Variants in USP12 observed in about 807,000 individuals in gnomAD.
USP12 encodes ubiquitin carboxyl-terminal hydrolase 12.
USP12 carries 19 observed loss-of-function variants against 45.5 expected under a neutral mutation model. The ratio of observed to expected loss-of-function variants is 0.42; its 90% CI spans 0.29 to 0.61. The LOEUF is 0.61. Among genes scored for constraint, USP12 ranks in the 20% least tolerant of loss-of-function variants. The pLI, the probability that USP12 is intolerant of heterozygous loss-of-function variation, is 0.22. For synonymous variants in USP12, 149 were observed against 148.8 expected (o/e 1.00, Z -0.01); for missense variants, 242 against 447.7 (o/e 0.54, Z 4.15).
At position 27,166,966 on chromosome 13, in the gene USP12, A is replaced by C. The variant is rs527356042; in HGVS notation, c.48+4626T>G. Among the ~76,000 whole-genome samples, 61 of 152,332 alleles carry C rather than the reference A, an allele frequency of 4.0e-4. No homozygotes were observed. In the South Asian group the frequency reaches 0.012, roughly 31 times the overall value. ...TTTTAGGATGGGCATGAATGATGATAATGATAACATGATAATCATTCGTGG... is the reference window on the plus strand; with the variant it reads ...TTTTAGGATGGGCATGAATGATGATCATGATAACATGATAATCATTCGTGG... On this transcript the variant is annotated intron_variant, in intron 1 of 8. Coordinates refer to ENST00000282344, the MANE Select transcript of USP12 (RefSeq NM_182488.4).
At chr13:27,119,358 A>C (rs1875881211) in intron 1 of USP12, among the ~76,000 whole-genome samples, 1 of 152,224 alleles carries the variant, frequency 6.6e-6, no homozygotes, top group Non-Finnish European at 1.5e-5. Flanking sequence ...AACAAAGCAG[A>C]ACCATAATCC....
At chr13:27,086,197 A>ATATAT (rs869248837) in intron 6 of USP12, among the ~76,000 whole-genome samples, 160 of 56,870 alleles carry the variant, frequency 2.8e-3, no homozygotes, top group East Asian at 0.013. Context: ...AAAAAAAAAA[A>ATATAT]ATATATATAT....
At chr13:27,086,682 G>T (rs552495064) in intron 6 of USP12, among the ~76,000 whole-genome samples, 8 of 151,998 alleles carry the variant, frequency 5.3e-5, no homozygotes, top group Non-Finnish European at 1.0e-4. Flanking sequence ...GGTGGCTTTT[G>T]CTCACAGATG....
chr13:27,086,193 A>ATATATAGATATATATAT (rs1333218859), intron 6 of USP12, among the ~76,000 whole-genome samples: 1 of 66,944 alleles, frequency 1.5e-5, no homozygotes. Flanking sequence ...AAAAAAAAAA[A>ATATATAGATATATATAT]AAAAATATAT....
Position 27,075,237 on chromosome 13 carries a change from G to A in USP12, c.886C>T (p.Pro296Ser). The change falls in exon 7 of 9, where the codon CCA becomes TCA. Residue 296 changes from proline to serine, a missense_variant. Coordinates refer to ENST00000282344, the MANE Select transcript of USP12 (RefSeq NM_182488.4). ...LFNTSGDATN[P>S]DRMYDLVAVV... is the part of the protein sequence containing the mutation. ...GCAACAAGGTCGTACATTCTGTCTG[G>A]ATTGGTGGCATCACCTGAAGTGTTA... is the stretch of plus-strand genomic sequence containing the variant. 6.2e-7 allele frequency: 1 copy of A among 1,613,940 alleles called. No homozygotes were observed. Among genetic ancestry groups the A allele is most frequent in the Non-Finnish European group, 8.5e-7 (1 of 1,179,866 alleles).
chr13:27,138,273 G>T (rs1334712727), intron 1 of USP12, among the ~76,000 whole-genome samples: 2 of 152,218 alleles, frequency 1.3e-5, no homozygotes, highest in East Asian at 3.8e-4. Context: ...AAGGCTCAGG[G>T]AGCTGAGAGG....
At chr13:27,118,796 A>G (rs1049679989) in intron 1 of USP12, among the ~76,000 whole-genome samples, 2 of 152,222 alleles carry the variant, frequency 1.3e-5, no homozygotes, top group African/African-American at 4.8e-5. Context: ...AAGACACACT[A>G]AGAACAAGGT....
chr13:27,152,759 G>A (rs796319103), intron 1 of USP12, among the ~76,000 whole-genome samples: 23 of 151,718 alleles, frequency 1.5e-4, no homozygotes, highest in African/African-American at 4.6e-4. Flanking sequence ...TGGTTAACAC[G>A]GTGAAACCCC....
chr13:27,091,718 G>A (rs1223498689), intron 4 of USP12, among the ~76,000 whole-genome samples: 5 of 152,104 alleles, frequency 3.3e-5, no homozygotes, highest in African/African-American at 7.2e-5. Flanking sequence ...AGAAGCAACC[G>A]ACAATGAAAC....
intron 3 of USP12, among the ~76,000 whole-genome samples, chr13:27,098,966 G>T (rs1874726518): frequency 6.6e-6 from 1 of 152,206 alleles, no homozygotes; most frequent in Non-Finnish European, 1.5e-5. Flanking sequence ...GGAAGCAGTG[G>T]CTCATGTCTG....
chr13:27,095,260 G>A (rs566622400), intron 4 of USP12, among the ~76,000 whole-genome samples: 7 of 152,118 alleles, frequency 4.6e-5, no homozygotes, highest in Non-Finnish European at 1.0e-4. Flanking sequence ...CGTAGAAAAA[G>A]GAAAAACGAA....
At chr13:27,161,175 TAAAC>T (rs1436143639) in intron 1 of USP12, among the ~76,000 whole-genome samples, 1 of 152,098 alleles carries the variant, frequency 6.6e-6, no homozygotes, top group African/African-American at 2.4e-5. Context: ...TTAAGCAAAT[TAAAC>T]AAACAGGGAA....
At chr13:27,168,810 AAC>A (rs1423830619) in intron 1 of USP12, 8 of 152,264 alleles carry the variant, frequency 5.3e-5, no homozygotes, top group Non-Finnish European at 1.2e-4. Flanking sequence ...AATTGTTTTT[AAC>A]AGTTACTTAA....
rs767156881 is a variant in USP12 at position 27,069,374 on chromosome 13, G to A, written c.1022C>T (p.Ala341Val). The A allele has an allele frequency of 1.2e-6, 2 of 1,612,990 alleles. No individual in the cohort carries two copies. Among genetic ancestry groups the A allele is most frequent in the South Asian group, 2.2e-5 (2 of 91,036 alleles). The change falls in exon 9 of 9, where the codon GCA (alanine) becomes GTA (valine). Residue 341 changes from alanine (A) to valine (V), a missense_variant. By Grantham distance (64) the Ala-to-Val change is moderately conservative. This residue lies in a region of USP12 where 94 missense variants were observed against 168.3 expected (regional missense o/e 0.56). Coordinates refer to ENST00000282344, the MANE Select transcript of USP12 (RefSeq NM_182488.4). The stretch of plus-strand genomic sequence containing the variant: ...CCCGTAGAATTCTTCAATAGCTTGT[G>A]CATCTATTTTCTGTGAGGTAAAATG... ...FDDDIVEKID[A>V]QAIEEFYGLT... is the part of the protein sequence containing the mutation.
chr13:27,123,555 C>T (rs1261140839), intron 1 of USP12, among the ~76,000 whole-genome samples: 3 of 152,294 alleles, frequency 2.0e-5, no homozygotes, highest in East Asian at 1.9e-4. Flanking sequence ...ATAATTCCCA[C>T]GTGTCGTGGC....
chr13:27,121,518 C>T (rs531521312), intron 1 of USP12, among the ~76,000 whole-genome samples: 46 of 152,138 alleles, frequency 3.0e-4, no homozygotes, highest in African/African-American at 1.1e-3. Flanking sequence ...GAAAAGAAAG[C>T]CCCATGAATA....
chr13:27,132,299 G>A (rs1057469130), intron 1 of USP12, among the ~76,000 whole-genome samples: 2 of 152,162 alleles, frequency 1.3e-5, no homozygotes, highest in Admixed American at 1.3e-4. Context: ...ATTGGCTTAT[G>A]AAGTAGAGAG....
intron 1 of USP12, among the ~76,000 whole-genome samples, chr13:27,164,932 G>C (rs997606428): frequency 3.9e-5 from 6 of 152,086 alleles, no homozygotes; most frequent in Admixed American, 2.0e-4. Context: ...CTAAAGGATA[G>C]AGCATAAGGA....
intron 1 of USP12, among the ~76,000 whole-genome samples, chr13:27,167,789 T>C (rs936090827): frequency 1.3e-5 from 2 of 152,122 alleles, no homozygotes; most frequent in African/African-American, 4.8e-5. Flanking sequence ...AAGAGGAGAC[T>C]TTCACACACA....
Sources: allele counts gnomAD v4.1 joint callset (sites outside exome capture counted in the v4.1 genomes callset), GRCh38; gene constraint gnomAD v4.1.1; regional missense constraint gnomAD v4.1.1; transcripts MANE v1.5; gene names NCBI Gene and HGNC (gene_info 2026-07-23, HGNC 2026-07-21).